Variants in GSG1L observed in about 807,000 individuals in gnomAD.
GSG1L encodes germ cell-specific gene 1-like protein.
Under a neutral mutation model 42.1 loss-of-function variants are expected in GSG1L, and 24 were observed. The observed-to-expected ratio is 0.57, with a 90% CI of 0.41 to 0.80. The LOEUF is 0.80. GSG1L is among the 30% of genes least tolerant of loss of function. The pLI is 0.00. For synonymous variants in GSG1L, 215 were observed against 203.5 expected (o/e 1.06, Z -0.48); for missense variants, 445 against 472.2 (o/e 0.94, Z 0.53).
chr16:27,818,901 G>A (rs1322183321), intron 5 of GSG1L, among the ~76,000 whole-genome samples: 2 of 152,072 alleles, frequency 1.3e-5, no homozygotes, highest in Non-Finnish European at 2.9e-5. Context: ...GCCTTAGCTT[G>A]ATCTTTATGT....
chr16:28,023,486 C>A (rs1220816484), intron 1 of GSG1L, among the ~76,000 whole-genome samples: 2 of 152,188 alleles, frequency 1.3e-5, no homozygotes, highest in African/African-American at 2.4e-5. Flanking sequence ...ATTGCTGGGG[C>A]AAGGGGTATG....
At chr16:27,866,568 AC>A (rs2141005537) in intron 3 of GSG1L, among the ~76,000 whole-genome samples, 1 of 151,878 alleles carries the variant, frequency 6.6e-6, no homozygotes, top group South Asian at 2.1e-4. Flanking sequence ...TCTCACTTTC[AC>A]TTTTCTTTTT....
chr16:27,982,250 T>C (rs2085334079), intron 1 of GSG1L, among the ~76,000 whole-genome samples: 1 of 152,172 alleles, frequency 6.6e-6, no homozygotes, highest in African/African-American at 2.4e-5. Context: ...CCTGTAGCCC[T>C]AGCAACTCAA....
chr16:27,813,406 A>G (rs2053686434), intron 5 of GSG1L, among the ~76,000 whole-genome samples: 2 of 152,168 alleles, frequency 1.3e-5, no homozygotes, highest in South Asian at 4.1e-4. Context: ...ACATGATCTC[A>G]TTCTTTTTTC....
intron 3 of GSG1L, among the ~76,000 whole-genome samples, chr16:27,851,520 C>T (rs1448163196): frequency 2.6e-5 from 4 of 150,970 alleles, no homozygotes; most frequent in African/African-American, 7.4e-5. Context: ...AGCAGATTCA[C>T]CCCCCTTCTC....
intron 2 of GSG1L, among the ~76,000 whole-genome samples, chr16:27,919,111 C>T (rs1377611421): frequency 2.0e-5 from 3 of 152,118 alleles, no homozygotes; most frequent in Non-Finnish European, 4.4e-5. Flanking sequence ...AGAAACAGGC[C>T]CAGAGATGAG....
At chr16:27,989,738 T>A (rs376459409) in intron 1 of GSG1L, among the ~76,000 whole-genome samples, 10 of 140,294 alleles carry the variant, frequency 7.1e-5, no homozygotes, top group African/African-American at 5.5e-5. Context: ...AGACTCAGTC[T>A]AAAAAAAAAA....
At chr16:27,847,858 G>A (rs1049480572) in intron 3 of GSG1L, among the ~76,000 whole-genome samples, 1 of 152,156 alleles carries the variant, frequency 6.6e-6, no homozygotes, top group Non-Finnish European at 1.5e-5. Context: ...AGTTTCCTGA[G>A]GCCTCCCAAG....
At chr16:27,930,989 T>G (rs2084651144) in intron 2 of GSG1L, among the ~76,000 whole-genome samples, 1 of 152,118 alleles carries the variant, frequency 6.6e-6, no homozygotes, top group African/African-American at 2.4e-5. Flanking sequence ...TGGGCTCAAG[T>G]GATTCTTCCG....
intron 1 of GSG1L, among the ~76,000 whole-genome samples, chr16:27,970,334 G>T (rs945909791): frequency 3.9e-5 from 6 of 152,036 alleles, no homozygotes; most frequent in Non-Finnish European, 7.3e-5. Context: ...CACTTTGGGA[G>T]GCCGAGGCAG....
intron 1 of GSG1L, among the ~76,000 whole-genome samples, chr16:28,000,661 G>A (rs1033856594): frequency 1.1e-4 from 16 of 152,010 alleles, no homozygotes; most frequent in Non-Finnish European, 1.6e-4. Context: ...ACCTCTTGCC[G>A]GACAAGCAGC....
At chr16:27,899,450 C>T (rs956035936) in intron 2 of GSG1L, among the ~76,000 whole-genome samples, 1 of 152,208 alleles carries the variant, frequency 6.6e-6, no homozygotes, top group African/African-American at 2.4e-5. Context: ...GGCACAGTGG[C>T]TCGTGCCTGT....
intron 2 of GSG1L, among the ~76,000 whole-genome samples, chr16:27,933,648 C>CAA (rs55936452): frequency 0.1 from 9,434 of 94,596 alleles, 900 homozygotes; most frequent in African/African-American, 0.18. Flanking sequence ...GACTTTGTCA[C>CAA]AAAAAAAAAA....
At chr16:27,939,190 T>C (rs1300665607) in intron 2 of GSG1L, among the ~76,000 whole-genome samples, 1 of 152,006 alleles carries the variant, frequency 6.6e-6, no homozygotes. Flanking sequence ...GGTGTGATCA[T>C]AGTTCACTAC....
chr16:27,955,839 T>C (rs2084995012), intron 2 of GSG1L, among the ~76,000 whole-genome samples: 1 of 147,316 alleles, frequency 6.8e-6, no homozygotes, highest in Non-Finnish European at 1.5e-5. Flanking sequence ...AGATAATCAT[T>C]GAGTCAAAAT....
At chr16:27,850,629 A>G (rs941327473) in intron 3 of GSG1L, 1 of 455,206 alleles carries the variant, frequency 2.2e-6, no homozygotes, top group African/African-American at 2.0e-5. Flanking sequence ...TTCAACTGCA[A>G]GAGGTTTAGA....
intron 2 of GSG1L, among the ~76,000 whole-genome samples, chr16:27,919,215 A>G (rs1277129966): frequency 6.6e-6 from 1 of 152,194 alleles, no homozygotes; most frequent in Non-Finnish European, 1.5e-5. Context: ...TGACTCAATA[A>G]GGAGGAAGGA....
intron 1 of GSG1L, among the ~76,000 whole-genome samples, chr16:28,031,706 G>T (rs1007499157): frequency 6.6e-6 from 1 of 152,128 alleles, no homozygotes; most frequent in African/African-American, 2.4e-5. Flanking sequence ...TGAGAGACAG[G>T]CTCAGTTCTG....
At chr16:27,829,872 C>G (rs1596540610) in intron 4 of GSG1L, among the ~76,000 whole-genome samples, 1 of 152,190 alleles carries the variant, frequency 6.6e-6, no homozygotes, top group African/African-American at 2.4e-5. Context: ...TTAACATCCT[C>G]ATTACCCACT....
Sources: gnomAD v4.1 joint callset for allele counts (sites outside exome capture counted in the v4.1 genomes callset) on GRCh38, gnomAD v4.1.1 for gene constraint, MANE v1.5 for transcripts, NCBI Gene and HGNC (gene_info 2026-07-23, HGNC 2026-07-21) for gene names.